The following CDH13 variants were observed in gnomAD, a reference collection of about 807,000 sequenced individuals.
The protein encoded by CDH13 is cadherin-13.
CDH13 carries 24 observed loss-of-function variants against 63.8 expected under a neutral mutation model. The ratio of observed to expected loss-of-function variants is 0.38; its 90% CI spans 0.27 to 0.53. CDH13 has a LOEUF of 0.53. Ranked by LOEUF, CDH13 falls within the 20% of genes least tolerant of loss-of-function variation. The pLI is 0.85. For synonymous variants in CDH13, 503 were observed against 355.3 expected (o/e 1.42, Z -4.67); for missense variants, 1,049 against 903.1 (o/e 1.16, Z -2.07).
chr16:83,301,029 T>TC (rs2151875770), intron 5 of CDH13, among the ~76,000 whole-genome samples: 1 of 121,164 alleles, frequency 8.3e-6, no homozygotes, highest in South Asian at 3.0e-4. Context: ...TCTGGGGTTT[T>TC]TTTTTTTTTT....
At chr16:83,403,604 C>A (rs1402298935) in intron 6 of CDH13, among the ~76,000 whole-genome samples, 1 of 152,060 alleles carries the variant, frequency 6.6e-6, no homozygotes, top group South Asian at 2.1e-4. Flanking sequence ...CTCTGGGCGA[C>A]AGAGCGAGAC....
chr16:82,636,489 G>C (rs563714340), intron 1 of CDH13, among the ~76,000 whole-genome samples: 1 of 152,306 alleles, frequency 6.6e-6, no homozygotes, highest in South Asian at 2.1e-4. Context: ...CAAGATATTT[G>C]AGAGAAACAT....
At chr16:82,639,304 A>T in intron 1 of CDH13, 1 of 1,274,768 alleles carries the variant, frequency 7.8e-7, no homozygotes, top group South Asian at 1.4e-5. Flanking sequence ...CCTTCAGAAC[A>T]GGGTCAGCCC....
At chr16:83,075,530 T>G (rs976790726) in intron 3 of CDH13, among the ~76,000 whole-genome samples, 1 of 152,206 alleles carries the variant, frequency 6.6e-6, no homozygotes, top group Non-Finnish European at 1.5e-5. Context: ...GGGTTGTGGT[T>G]GCTGAGCATT....
intron 1 of CDH13, among the ~76,000 whole-genome samples, chr16:82,711,205 C>A (rs1333470199): frequency 1.3e-5 from 2 of 152,082 alleles, no homozygotes; most frequent in African/African-American, 2.4e-5. Flanking sequence ...GAGGGACACA[C>A]AGTTTTCAAG....
intron 5 of CDH13, among the ~76,000 whole-genome samples, chr16:83,225,549 C>A (rs183701038): frequency 2.6e-5 from 4 of 152,314 alleles, no homozygotes; most frequent in Admixed American, 2.6e-4. Context: ...TTGGAACAGG[C>A]TGATGTAATT....
intron 13 of CDH13, among the ~76,000 whole-genome samples, chr16:83,792,382 T>C (rs1426262306): frequency 6.6e-6 from 1 of 152,250 alleles, no homozygotes; most frequent in Admixed American, 6.5e-5. Flanking sequence ...CTAAATTGAC[T>C]TAAAACAGGA....
intron 2 of CDH13, among the ~76,000 whole-genome samples, chr16:82,902,577 T>G (rs926345819): frequency 6.6e-6 from 1 of 152,064 alleles, no homozygotes; most frequent in African/African-American, 2.4e-5. Flanking sequence ...GTGTTTAGCT[T>G]CTTAACCTCC....
At chr16:83,631,381 C>G (rs1411612853) in intron 8 of CDH13, among the ~76,000 whole-genome samples, 1 of 151,918 alleles carries the variant, frequency 6.6e-6, no homozygotes, top group Non-Finnish European at 1.5e-5. Context: ...TTTCGGTGGC[C>G]CTGTTGCTTG....
chr16:83,304,198 G>T (rs1029023249), intron 5 of CDH13, among the ~76,000 whole-genome samples: 23 of 152,174 alleles, frequency 1.5e-4, no homozygotes, highest in African/African-American at 5.5e-4. Context: ...CATAAGAAAT[G>T]TGGGTTTTAT....
At chr16:83,302,847 C>G (rs1474859238) in intron 5 of CDH13, among the ~76,000 whole-genome samples, 4 of 152,206 alleles carry the variant, frequency 2.6e-5, no homozygotes, top group African/African-American at 4.8e-5. Context: ...ACAGATATCT[C>G]TAACTCAGAC....
intron 1 of CDH13, among the ~76,000 whole-genome samples, chr16:82,808,640 T>G (rs2037279979): frequency 6.6e-6 from 1 of 152,144 alleles, no homozygotes; most frequent in Admixed American, 6.6e-5. Flanking sequence ...GTTGGAAAAG[T>G]TTCAAAGGAA....
chr16:83,414,864 G>A lies in CDH13; in HGVS notation c.781+69858G>A, dbSNP rs78054844. On this transcript the variant is annotated intron_variant, in intron 6 of 13. Transcript: ENST00000567109. ...CCTCTTGTGTATTGTGAATAGTGCT[G>A]CAGTGAACGTGGTAGCTCTCCAGTA... 8.5e-3 allele frequency among the ~76,000 whole-genome samples: 1,293 copies of A among 152,214 alleles called. 21 individuals are homozygous for A. Among genetic ancestry groups the A allele is most frequent in the African/African-American group, 0.029 (1,221 of 41,546 alleles).
intron 6 of CDH13, among the ~76,000 whole-genome samples, chr16:83,479,628 GC>G (rs1366138795): frequency 1.3e-5 from 2 of 149,638 alleles, no homozygotes; most frequent in Non-Finnish European, 3.0e-5. Context: ...CTGCACTCCA[GC>G]CTGGTGGACT....
intron 6 of CDH13, among the ~76,000 whole-genome samples, chr16:83,412,649 C>T (rs1238467246): frequency 6.6e-6 from 1 of 152,126 alleles, no homozygotes; most frequent in Non-Finnish European, 1.5e-5. Context: ...GGGTGGGGCA[C>T]ATCAACTCCT....
intron 3 of CDH13, among the ~76,000 whole-genome samples, chr16:83,086,842 G>A (rs2151574460): frequency 6.6e-6 from 1 of 152,240 alleles, no homozygotes. Flanking sequence ...AATATTGCTG[G>A]CATCATGAAA....
intron 5 of CDH13, among the ~76,000 whole-genome samples, chr16:83,338,353 C>T (rs1391864261): frequency 1.3e-5 from 2 of 152,154 alleles, no homozygotes; most frequent in Non-Finnish European, 2.9e-5. Flanking sequence ...GGACAGATGG[C>T]CAGAGCTCAG....
At chr16:82,963,395 A>C (rs1323671108) in intron 2 of CDH13, among the ~76,000 whole-genome samples, 1 of 152,102 alleles carries the variant, frequency 6.6e-6, no homozygotes, top group Non-Finnish European at 1.5e-5. Context: ...AAAGAAAAGA[A>C]ATAACTGGAA....
At chr16:83,002,544 C>G (rs1050502864) in intron 2 of CDH13, among the ~76,000 whole-genome samples, 24 of 152,204 alleles carry the variant, frequency 1.6e-4, no homozygotes, top group African/African-American at 4.6e-4. Flanking sequence ...ATAGGCTAAA[C>G]AGACAAAAAT....
Sources: allele counts gnomAD v4.1 joint callset (sites outside exome capture counted in the v4.1 genomes callset), GRCh38; gene constraint gnomAD v4.1.1; transcripts MANE v1.5; gene names NCBI Gene and HGNC (gene_info 2026-07-23, HGNC 2026-07-21).